KCNH1: variants seen among roughly 807,000 people sequenced by gnomAD.
KCNH1 encodes potassium voltage-gated channel subfamily H member 1.
Under a neutral mutation model 69.2 loss-of-function variants are expected in KCNH1, and 27 were observed. That is an observed-to-expected ratio of 0.39 (90% CI 0.29 to 0.54). The LOEUF (loss-of-function observed/expected upper bound fraction) is 0.54, where lower values mean the gene tolerates loss of function less well. Ranked by LOEUF, KCNH1 falls within the 20% of genes least tolerant of loss-of-function variation. KCNH1 has a pLI of 0.68. For synonymous variants in KCNH1, 456 were observed against 487.7 expected (o/e 0.93, Z 0.86); for missense variants, 798 against 1,261.6 (o/e 0.63, Z 5.57).
chr1:210,970,629 A>G (rs530267909), intron 6 of KCNH1, among the ~76,000 whole-genome samples: 2 of 152,322 alleles, frequency 1.3e-5, no homozygotes. Context: ...ACCTTATACA[A>G]AAATTAACTC....
intron 7 of KCNH1, among the ~76,000 whole-genome samples, chr1:210,875,967 A>G (rs559739533): frequency 2.6e-5 from 4 of 152,322 alleles, no homozygotes; most frequent in African/African-American, 9.6e-5. Flanking sequence ...TATCAGGACT[A>G]CATCACAGGA....
At chr1:210,981,856 C>T (rs549649707) in intron 6 of KCNH1, among the ~76,000 whole-genome samples, 3 of 152,196 alleles carry the variant, frequency 2.0e-5, no homozygotes, top group East Asian at 1.9e-4. Flanking sequence ...AATTTTCAAG[C>T]TTTCAAGGCA....
chr1:210,813,861 T>A (rs1216876348), intron 7 of KCNH1, among the ~76,000 whole-genome samples: 1 of 152,082 alleles, frequency 6.6e-6, no homozygotes, highest in African/African-American at 2.4e-5. Flanking sequence ...TTTCCCACGT[T>A]GTTCTTGTGA....
At chr1:210,700,738 T>G (rs1574191253) in intron 10 of KCNH1, among the ~76,000 whole-genome samples, 1 of 152,168 alleles carries the variant, frequency 6.6e-6, no homozygotes, top group Admixed American at 6.5e-5. Flanking sequence ...CAAATGGTCA[T>G]GGATGTGTTC....
chr1:211,083,211 C>T (rs1690888959), intron 4 of KCNH1, among the ~76,000 whole-genome samples: 1 of 152,230 alleles, frequency 6.6e-6, no homozygotes, highest in Non-Finnish European at 1.5e-5. Context: ...GAGTCTAGAA[C>T]ATCTCTTCAC....
chr1:210,900,857 G>C (rs565031039), intron 7 of KCNH1, among the ~76,000 whole-genome samples: 75 of 151,904 alleles, frequency 4.9e-4, no homozygotes, highest in Non-Finnish European at 9.4e-4. Context: ...CCTCAACCTA[G>C]CCAGACAAAA....
chr1:210,911,862 A>G (rs1029576910), intron 7 of KCNH1, among the ~76,000 whole-genome samples: 3 of 152,102 alleles, frequency 2.0e-5, no homozygotes, highest in Non-Finnish European at 2.9e-5. Flanking sequence ...AATAATAGGG[A>G]TATCTTCCAC....
chr1:210,811,582 G>A (rs1487339670), intron 7 of KCNH1, among the ~76,000 whole-genome samples: 2 of 152,040 alleles, frequency 1.3e-5, no homozygotes, highest in Admixed American at 6.6e-5. Context: ...GCTTTTGTGG[G>A]GTTACAGGGG....
At chr1:211,132,997 C>T (rs559887091) in intron 1 of KCNH1, 1 of 152,232 alleles carries the variant, frequency 6.6e-6, no homozygotes, top group Non-Finnish European at 1.5e-5. Flanking sequence ...CTAGGACTCT[C>T]GCCTCTCAAG....
At chr1:210,989,776 C>T (rs1688906467) in intron 6 of KCNH1, among the ~76,000 whole-genome samples, 1 of 152,190 alleles carries the variant, frequency 6.6e-6, no homozygotes. Context: ...GAGTTCCATT[C>T]TTCCTGAAAA....
At chr1:210,879,654 G>C (rs1021783451) in intron 7 of KCNH1, among the ~76,000 whole-genome samples, 4 of 151,958 alleles carry the variant, frequency 2.6e-5, no homozygotes, top group Non-Finnish European at 4.4e-5. Flanking sequence ...TAACAACATA[G>C]TTAATGGTGA....
At chr1:210,912,586 C>T (rs539328768) in intron 7 of KCNH1, among the ~76,000 whole-genome samples, 39 of 152,258 alleles carry the variant, frequency 2.6e-4, no homozygotes, top group African/African-American at 9.1e-4. Context: ...TATTAATGTG[C>T]TGTAAGAGAG....
At chr1:210,838,553 CA>C (rs1685334958) in intron 7 of KCNH1, among the ~76,000 whole-genome samples, 2 of 152,144 alleles carry the variant, frequency 1.3e-5, no homozygotes, top group African/African-American at 4.8e-5. Flanking sequence ...GCAACAAAAG[CA>C]AAAGTTGACA....
intron 7 of KCNH1, among the ~76,000 whole-genome samples, chr1:210,867,689 C>G (rs1255458940): frequency 1.3e-5 from 2 of 152,028 alleles, no homozygotes; most frequent in Non-Finnish European, 2.9e-5. Flanking sequence ...ATGCCCAACC[C>G]TAGGCAACAA....
chr1:211,128,866 C>G (rs1691829807), intron 1 of KCNH1, among the ~76,000 whole-genome samples: 1 of 151,872 alleles, frequency 6.6e-6, no homozygotes. Flanking sequence ...CAAATGACAG[C>G]AACAAAGGGA....
intron 6 of KCNH1, among the ~76,000 whole-genome samples, chr1:211,010,236 G>A (rs1689369177): frequency 6.6e-6 from 1 of 152,074 alleles, no homozygotes; most frequent in African/African-American, 2.4e-5. Flanking sequence ...GGGGGAATGG[G>A]GTTCAGTGCA....
chr1:210,737,946 A>T (rs547912929), intron 10 of KCNH1, among the ~76,000 whole-genome samples: 1 of 152,352 alleles, frequency 6.6e-6, no homozygotes, highest in Admixed American at 6.5e-5. Context: ...AAAACAGAAC[A>T]TATCACTCCC....
chr1:211,104,064 T>C (rs111445903), intron 2 of KCNH1, among the ~76,000 whole-genome samples: 11,790 of 152,078 alleles, frequency 0.078, 692 homozygotes, highest in South Asian at 0.17. Flanking sequence ...GGCACAGAGG[T>C]GACAGTCAGA....
intron 10 of KCNH1, among the ~76,000 whole-genome samples, chr1:210,750,669 A>T (rs1683262477): frequency 6.6e-6 from 1 of 152,056 alleles, no homozygotes; most frequent in South Asian, 2.1e-4. Flanking sequence ...TTACAGGGGA[A>T]TCAAAAGATA....
Sources: allele counts gnomAD v4.1 joint callset (sites outside exome capture counted in the v4.1 genomes callset), GRCh38; gene constraint gnomAD v4.1.1; transcripts MANE v1.5; gene names NCBI Gene and HGNC (gene_info 2026-07-23, HGNC 2026-07-21).